YJU2B: variants seen among roughly 807,000 people sequenced by gnomAD.
YJU2B encodes probable splicing factor YJU2B.
YJU2B carries 18 observed loss-of-function variants against 38.0 expected under a neutral mutation model. The observed-to-expected ratio is 0.47, with a 90% CI of 0.33 to 0.70. The LOEUF (loss-of-function observed/expected upper bound fraction) is 0.70. YJU2B is among the 30% of genes least tolerant of loss of function. YJU2B has a pLI of 0.02. For synonymous variants in YJU2B, 246 were observed against 225.4 expected (o/e 1.09, Z -0.82); for missense variants, 538 against 556.3 (o/e 0.97, Z 0.33).
At chr19:13,754,149 G>A (rs1335289808) in intron 2 of YJU2B, 140 bp from the exon 3 acceptor site, 6 of 666,358 alleles carry the variant, frequency 9.0e-6, no homozygotes, top group African/African-American at 1.8e-5. Flanking sequence ...TCCAGCATGG[G>A]TGACAGAGCA....
chr19:13,757,731 A>G, intron 5 of YJU2B, 55 bp from the exon 6 acceptor site: 3 of 1,548,488 alleles, frequency 1.9e-6, no homozygotes, highest in South Asian at 1.1e-5. Flanking sequence ...CATTTTACCC[A>G]TCTGCAAAAT....
At chr19:13,734,992 T>C (rs1972907061) in intron 2 of YJU2B, among the ~76,000 whole-genome samples, 1 of 152,304 alleles carries the variant, frequency 6.6e-6, no homozygotes, top group South Asian at 2.1e-4. Flanking sequence ...AATCAACAGT[T>C]CAACTGAGTG....
At chr19:13,758,180 G>GCT (rs1171849986) in intron 6 of YJU2B, among the ~76,000 whole-genome samples, 1 of 152,168 alleles carries the variant, frequency 6.6e-6, no homozygotes, top group African/African-American at 2.4e-5. Context: ...CACCTGGAAT[G>GCT]CTCTTCCCCA....
upstream of YJU2B, among the ~76,000 whole-genome samples, chr19:13,747,463 C>T (rs1973283666): frequency 6.6e-6 from 1 of 152,220 alleles, no homozygotes; most frequent in Admixed American, 6.5e-5. Flanking sequence ...ATAGTAAGAC[C>T]TTGCCTGTGC....
rs781745414 is a variant in YJU2B at position 13,762,971 on chromosome 19, G to A, written c.1094G>A (p.Gly365Asp). Residue 365 changes from glycine to aspartate, a missense_variant, in exon 10 of 10, where the codon GGC becomes GAC. This residue lies in a region of YJU2B where 488 missense variants were observed against 469.5 expected (regional missense o/e 1.04). Coordinates refer to ENST00000221554, the MANE Select transcript of YJU2B (RefSeq NM_030818.4). ...CAGGACAAGCCCCTGTCGCCAGCAG[G>A]CTCCTCCCAGGAGGCAGCTGACACC... ...SRQDKPLSPAGSSQEAADTPD... is the reference protein window; with the variant it reads ...SRQDKPLSPADSSQEAADTPD... 2.5e-6 allele frequency: 4 copies of A among 1,611,604 alleles called. No homozygotes were observed. The highest frequency in any genetic ancestry group is 3.3e-4 in the Middle Eastern group (2 of 6,052).
chr19:13,756,975 C>CAA (rs34608713), intron 4 of YJU2B, among the ~76,000 whole-genome samples: 67,051 of 129,844 alleles, frequency 0.52, 16,883 homozygotes, highest in East Asian at 0.62. Context: ...GACTCCATCT[C>CAA]AAAAAAAAAA....
At chr19:13,754,366 T>TA in intron 3 of YJU2B, 24 bp downstream of exon 3, 1 of 1,599,922 alleles carries the variant, frequency 6.3e-7, no homozygotes, top group Non-Finnish European at 8.6e-7. Flanking sequence ...CCGCTCCAGG[T>TA]CCACAGTAGC....
Position 13,741,711 on chromosome 19 carries a change from C to T in YJU2B, c.-202+9426C>T, listed in dbSNP as rs181513112. ...CACCACTGCACTTCAGCCTGGGTGA[C>T]AGTGGAGACCCTGTCTCAAACCAAA... On this transcript the variant is annotated intron_variant, in intron 2 of 10. Coordinates refer to the YJU2B transcript ENST00000586600. 1.3e-4 allele frequency among the ~76,000 whole-genome samples: 20 copies of T among 152,130 alleles called. No individual in the cohort carries two copies. In the East Asian group the frequency reaches 1.4e-3, roughly 10 times the overall value.
At chr19:13,753,419 A>G (rs1973544273) in intron 2 of YJU2B, among the ~76,000 whole-genome samples, 1 of 151,988 alleles carries the variant, frequency 6.6e-6, no homozygotes, top group South Asian at 2.1e-4. Context: ...TAAAAATACA[A>G]AAAAATTAGC....
intron 2 of YJU2B, 53 bp from the exon 3 acceptor site, chr19:13,754,236 C>T: frequency 1.4e-6 from 2 of 1,465,266 alleles, no homozygotes; most frequent in Non-Finnish European, 1.9e-6. Flanking sequence ...GGTAGGGACA[C>T]AGCCAAACCA....
chr19:13,757,393 A>G (rs199653797), intron 4 of YJU2B, 25 bp from the exon 5 acceptor site: 7 of 1,610,848 alleles, frequency 4.3e-6, no homozygotes, highest in Non-Finnish European at 5.9e-6. Flanking sequence ...GACAAGTGCA[A>G]GTAAGATGCT....
At chr19:13,762,529 CA>C in intron 9 of YJU2B, 60 bp from the exon 10 acceptor site, 1 of 1,557,924 alleles carries the variant, frequency 6.4e-7, no homozygotes, top group South Asian at 1.2e-5. Flanking sequence ...TCTGGTCTAC[CA>C]GAGGGCAGTT....
At chr19:13,745,332 G>A (rs545375589), upstream of YJU2B, among the ~76,000 whole-genome samples, 3 of 152,154 alleles carry the variant, frequency 2.0e-5, no homozygotes, top group Admixed American at 6.6e-5. Context: ...AGTAGAGCCC[G>A]GCTTTAGAAC....
chr19:13,736,745 G>T (rs1242608058), intron 2 of YJU2B, among the ~76,000 whole-genome samples: 2 of 152,014 alleles, frequency 1.3e-5, no homozygotes, highest in East Asian at 1.9e-4. Flanking sequence ...AAGAGACAGG[G>T]TCTCGGCCAG....
chr19:13,745,748 T>G (rs1349712271), upstream of YJU2B, among the ~76,000 whole-genome samples: 7 of 143,388 alleles, frequency 4.9e-5, no homozygotes, highest in Admixed American at 7.5e-5. Context: ...TATATAGATA[T>G]ATATATATAT....
upstream of YJU2B, among the ~76,000 whole-genome samples, chr19:13,745,675 A>ATAGG (rs1973212721): frequency 1.1e-5 from 1 of 90,508 alleles, no homozygotes; most frequent in Non-Finnish European, 2.2e-5. Flanking sequence ...AGATAGATAG[A>ATAGG]TAGATAGATA....
upstream of YJU2B, among the ~76,000 whole-genome samples, chr19:13,744,776 G>A (rs974900505): frequency 3.9e-5 from 6 of 151,982 alleles, no homozygotes; most frequent in Non-Finnish European, 7.4e-5. Context: ...GGCGGATCAC[G>A]AGGTCAGGAG....
chr19:13,743,046 T>C (rs1973134060), upstream of YJU2B, among the ~76,000 whole-genome samples: 1 of 152,172 alleles, frequency 6.6e-6, no homozygotes, highest in South Asian at 2.1e-4. Flanking sequence ...CTAAGGTCTT[T>C]GCAGTGATAG....
chr19:13,745,772 A>G (rs1254493456), upstream of YJU2B, among the ~76,000 whole-genome samples: 1 of 149,138 alleles, frequency 6.7e-6, no homozygotes, highest in African/African-American at 2.5e-5. Flanking sequence ...GAGGAATAGT[A>G]GTAATATTGT....
Sources: allele counts gnomAD v4.1 joint callset (sites outside exome capture counted in the v4.1 genomes callset), GRCh38; gene constraint gnomAD v4.1.1; regional missense constraint gnomAD v4.1.1; transcripts MANE v1.5; gene names NCBI Gene and HGNC (gene_info 2026-07-23, HGNC 2026-07-21).